Variants in CNTN6 observed in about 807,000 individuals in gnomAD.
CNTN6 encodes the protein contactin-6.
Under a neutral mutation model 122.8 loss-of-function variants are expected in CNTN6, and 137 were observed. That is an observed-to-expected ratio of 1.12 (90% CI 0.97 to 1.29). The LOEUF is 1.29. Among genes scored for constraint, CNTN6 ranks in the 50% most tolerant of loss-of-function variants. CNTN6 has a pLI of 0.00. For missense variants in CNTN6, 1,634 were observed against 1,223.4 expected (o/e 1.34, Z -5.01); for synonymous variants, 570 against 426.0 (o/e 1.34, Z -4.16).
intron 20 of CNTN6, among the ~76,000 whole-genome samples, chr3:1,390,629 T>C (rs1324740642): frequency 6.6e-6 from 1 of 152,110 alleles, no homozygotes. Flanking sequence ...GAGCTGGTTT[T>C]TTGAAAGGAT....
chr3:1,216,677 T>C (rs1305191834), intron 2 of CNTN6, among the ~76,000 whole-genome samples: 5 of 152,160 alleles, frequency 3.3e-5, no homozygotes, highest in Admixed American at 2.0e-4. Flanking sequence ...GAGCCAGTAA[T>C]TGACCAGGCT....
rs866839710 is a variant in CNTN6, at chr3:1,241,357, A to G, written c.358+13364A>G. ...GGGCGATGTTTCTCAGGGCTGCTTC[A>G]AGCGGGATTAGGGGCAGTGTGGGAA... On this transcript the variant is annotated intron_variant, in intron 4 of 22. Transcript: ENST00000446702. Among the ~76,000 whole-genome samples, 237 of 151,844 alleles carry G rather than the reference A, an allele frequency of 1.6e-3. 4 individuals are homozygous for G. Among genetic ancestry groups the G allele is most frequent in the African/African-American group, 5.2e-3 (216 of 41,192 alleles).
chr3:1,370,118 C>T (rs970416994), intron 12 of CNTN6, among the ~76,000 whole-genome samples: 1 of 151,622 alleles, frequency 6.6e-6, no homozygotes. Flanking sequence ...TGATTAGAAT[C>T]CAATAAGATC....
At chr3:1,126,068 C>G (rs1320730805) in intron 1 of CNTN6, among the ~76,000 whole-genome samples, 1 of 151,830 alleles carries the variant, frequency 6.6e-6, no homozygotes, top group Non-Finnish European at 1.5e-5. Context: ...AGAATCTTCT[C>G]AAGCAATATT....
chr3:1,128,960 G>A (rs1255460336), intron 1 of CNTN6, among the ~76,000 whole-genome samples: 1 of 151,680 alleles, frequency 6.6e-6, no homozygotes, highest in African/African-American at 2.4e-5. Context: ...TTCAATATTG[G>A]AACAACTAGA....
chr3:1,378,384 G>C (rs1303944333), intron 17 of CNTN6, among the ~76,000 whole-genome samples: 1 of 152,144 alleles, frequency 6.6e-6, no homozygotes, highest in East Asian at 1.9e-4. Context: ...TAGGCTATGA[G>C]AGATAACTGG....
chr3:1,299,134 G>C (rs1696778353), intron 7 of CNTN6, among the ~76,000 whole-genome samples: 1 of 152,054 alleles, frequency 6.6e-6, no homozygotes, highest in Non-Finnish European at 1.5e-5. Context: ...TATTTTCATA[G>C]AGTATGGGTC....
At position 1,372,402 on chromosome 3, in the gene CNTN6, A is replaced by ACC. The variant is rs1709168748; in HGVS notation, c.1596_1597insCC (p.Phe533ProfsTer11). On this transcript the variant is annotated frameshift_variant, in exon 13 of 23. Coordinates refer to ENST00000446702, the MANE Select transcript of CNTN6 (RefSeq NM_001289080.2). LOFTEE classifies it high-confidence loss of function. ...CCCATGACCCCTCCATTGAAGTGGT[A>ACC]TTTGTATGGTTTTTCAATGGAGATG... is the stretch of plus-strand genomic sequence containing the variant. The ACC allele has an allele frequency of 6.2e-7, 1 of 1,613,078 alleles. No individual in the cohort carries two copies. The highest frequency in any genetic ancestry group is 1.1e-5 in the South Asian group (1 of 91,044).
At chr3:1,119,461 G>A (rs907392087) in intron 1 of CNTN6, among the ~76,000 whole-genome samples, 8 of 151,636 alleles carry the variant, frequency 5.3e-5, no homozygotes, top group Admixed American at 1.3e-4. Context: ...TCATAGTCCT[G>A]AGAACTGGTT....
intron 1 of CNTN6, among the ~76,000 whole-genome samples, chr3:1,099,386 G>A (rs2090751745): frequency 6.6e-6 from 1 of 152,052 alleles, no homozygotes; most frequent in Non-Finnish European, 1.5e-5. Flanking sequence ...GGGGGGCGGA[G>A]CTTGCAGTGA....
At chr3:1,126,339 A>G (rs2092157815) in intron 1 of CNTN6, among the ~76,000 whole-genome samples, 1 of 151,888 alleles carries the variant, frequency 6.6e-6, no homozygotes, top group Admixed American at 6.6e-5. Context: ...GTTAAGATAA[A>G]CCAGATTCTC....
At chr3:1,146,608 T>C (rs1159523535) in intron 1 of CNTN6, among the ~76,000 whole-genome samples, 1 of 152,140 alleles carries the variant, frequency 6.6e-6, no homozygotes, top group Non-Finnish European at 1.5e-5. Flanking sequence ...TAAGGTTTTT[T>C]TTGTTTTGTT....
At chr3:1,336,014 C>T (rs1702999839) in intron 11 of CNTN6, among the ~76,000 whole-genome samples, 2 of 151,820 alleles carry the variant, frequency 1.3e-5, no homozygotes, top group East Asian at 3.9e-4. Context: ...TGTGCCACTG[C>T]ACTCCAGCCT....
intron 7 of CNTN6, among the ~76,000 whole-genome samples, chr3:1,309,772 A>G (rs1258971064): frequency 1.3e-5 from 2 of 152,122 alleles, no homozygotes; most frequent in South Asian, 2.1e-4. Flanking sequence ...AACACAGACT[A>G]TTTCTCCGCT....
At chr3:1,155,662 C>G (rs1203819257) in intron 2 of CNTN6, among the ~76,000 whole-genome samples, 1 of 152,278 alleles carries the variant, frequency 6.6e-6, no homozygotes, top group Non-Finnish European at 1.5e-5. Context: ...TACTGGGTAG[C>G]AAATACACGT....
At chr3:1,284,931 G>A (rs991332781) in intron 5 of CNTN6, among the ~76,000 whole-genome samples, 1 of 152,244 alleles carries the variant, frequency 6.6e-6, no homozygotes, top group Non-Finnish European at 1.5e-5. Context: ...GAGTAAATGA[G>A]GACACACAGC....
At chr3:1,262,345 G>A (rs116323923) in intron 4 of CNTN6, among the ~76,000 whole-genome samples, 278 of 152,234 alleles carry the variant, frequency 1.8e-3, no homozygotes, top group African/African-American at 6.6e-3. Flanking sequence ...GAAGACAGTG[G>A]AGCAGATATT....
At chr3:1,208,402 T>C (rs1261231691) in intron 2 of CNTN6, among the ~76,000 whole-genome samples, 1 of 152,150 alleles carries the variant, frequency 6.6e-6, no homozygotes, top group Non-Finnish European at 1.5e-5. Context: ...TTACTGTAAC[T>C]CCTGTTTCAA....
intron 7 of CNTN6, among the ~76,000 whole-genome samples, chr3:1,319,831 C>T (rs200684171): frequency 2.7e-5 from 1 of 37,614 alleles, no homozygotes; most frequent in African/African-American, 1.5e-4. Flanking sequence ...AAACAGAGAG[C>T]AGAAAATAAA....
Sources: gnomAD v4.1 joint callset for allele counts (sites outside exome capture counted in the v4.1 genomes callset) on GRCh38, gnomAD v4.1.1 for gene constraint, MANE v1.5 for transcripts, NCBI Gene and HGNC (gene_info 2026-07-23, HGNC 2026-07-21) for gene names.